Variants in DLGAP2 observed in about 807,000 individuals in gnomAD.
DLGAP2 encodes disks large-associated protein 2.
Under a neutral mutation model 100.3 loss-of-function variants are expected in DLGAP2, and 26 were observed. The ratio of observed to expected loss-of-function variants is 0.26; its 90% confidence interval spans 0.19 to 0.36. The LOEUF is 0.36. Ranked by LOEUF, DLGAP2 falls within the 10% of genes least tolerant of loss-of-function variation. The probability of loss-of-function intolerance (pLI) is 1.00; values close to 1 mark genes in which losing one functional copy is unlikely to be tolerated. For synonymous variants in DLGAP2, 886 were observed against 630.1 expected, an observed-to-expected ratio of 1.41 and a Z score of -6.08; for missense variants, 1,858 against 1,453.2, an observed-to-expected ratio of 1.28 and a Z score of -4.53.
chr8:1,496,781 C>T (rs549844880), intron 3 of DLGAP2, among the ~76,000 whole-genome samples: 2 of 152,136 alleles, frequency 1.3e-5, no homozygotes, highest in Admixed American at 6.5e-5. Flanking sequence ...CCAGGCGGCA[C>T]CCGAGGCACC....
intron 1 of DLGAP2, among the ~76,000 whole-genome samples, chr8:847,115 T>G (rs953944684): frequency 6.6e-6 from 1 of 152,218 alleles, no homozygotes. Context: ...GCCTGGGTGT[T>G]TTCTTTGTGG....
At chr8:1,225,241 A>T (rs1348302597) in intron 2 of DLGAP2, among the ~76,000 whole-genome samples, 1 of 152,226 alleles carries the variant, frequency 6.6e-6, no homozygotes, top group Admixed American at 6.5e-5. Context: ...AACATTTCTC[A>T]GTTATGAACA....
intron 2 of DLGAP2, among the ~76,000 whole-genome samples, chr8:1,083,210 C>T (rs573982500): frequency 1.3e-5 from 2 of 152,150 alleles, no homozygotes; most frequent in Non-Finnish European, 2.9e-5. Context: ...ACAGGGGCAT[C>T]GCGTAACACA....
At chr8:1,296,010 G>A (rs563787862) in intron 3 of DLGAP2, 5 of 152,304 alleles carry the variant, frequency 3.3e-5, no homozygotes, top group South Asian at 4.1e-4. Context: ...GTCACCGAGC[G>A]CGTTAATGAA....
At chr8:1,351,354 C>T (rs1185163724) in intron 3 of DLGAP2, among the ~76,000 whole-genome samples, 2 of 54,246 alleles carry the variant, frequency 3.7e-5, no homozygotes, top group East Asian at 1.3e-3. Flanking sequence ...AACGGCCGTG[C>T]GGGTCCTGAC....
chr8:1,316,448 C>A (rs62486212), intron 3 of DLGAP2, among the ~76,000 whole-genome samples: 7 of 122,894 alleles, frequency 5.7e-5, no homozygotes, highest in East Asian at 2.4e-4. Context: ...GGTCTACACT[C>A]GAGAAACTCG....
chr8:990,339 CTGTTCTTCTCTCCCTCCTTGCCCGG>C (rs1800629700), intron 2 of DLGAP2, among the ~76,000 whole-genome samples: 1 of 143,284 alleles, frequency 7.0e-6, no homozygotes, highest in Non-Finnish European at 1.5e-5. Flanking sequence ...CTCGGAGTTC[CTGTTCTTCTCTCCCTCCTTGCCCGG>C]ACCCCCTGCA....
At chr8:971,542 G>A (rs1427502133) in intron 2 of DLGAP2, among the ~76,000 whole-genome samples, 4 of 152,222 alleles carry the variant, frequency 2.6e-5, no homozygotes, top group Admixed American at 2.6e-4. Context: ...CATTGTCAAA[G>A]TGCTGGATTC....
chr8:1,141,752 A>G (rs549474872), intron 2 of DLGAP2, among the ~76,000 whole-genome samples: 3 of 152,334 alleles, frequency 2.0e-5, no homozygotes, highest in African/African-American at 4.8e-5. Flanking sequence ...ATTTAATAAC[A>G]TGAGTAAAGT....
intron 6 of DLGAP2, chr8:1,622,185 T>A (rs142413751): frequency 6.6e-6 from 1 of 152,388 alleles, no homozygotes; most frequent in East Asian, 1.9e-4. Context: ...CGTGCTCCAT[T>A]TTCCATTGAA....
intron 3 of DLGAP2, among the ~76,000 whole-genome samples, chr8:1,343,038 C>G (rs1026091709): frequency 6.6e-6 from 1 of 152,212 alleles, no homozygotes; most frequent in Non-Finnish European, 1.5e-5. Flanking sequence ...ACATTAATTT[C>G]TGTACTTTTT....
rs559670158 is a variant in DLGAP2 at position 1,166,274 on chromosome 8, C to T, written c.74-92577C>T. 6.6e-5 allele frequency among the ~76,000 whole-genome samples: 10 copies of T among 152,332 alleles called. No homozygotes were observed. In the East Asian group the frequency reaches 1.5e-3, roughly 24 times the overall value. On this transcript the variant is annotated intron_variant, in intron 2 of 14. Transcript: ENST00000637795. The stretch of plus-strand genomic sequence containing the variant: ...GAGTCATGGCTAATGGCCCAGTCCC[C>T]GTGCAAGATGCACCACCCCGTGCTT...
At chr8:1,518,254 G>T (rs1348003891) in intron 4 of DLGAP2, among the ~76,000 whole-genome samples, 2 of 152,176 alleles carry the variant, frequency 1.3e-5, no homozygotes, top group East Asian at 3.9e-4. Flanking sequence ...CTCCCAAATT[G>T]CATTCTGGCC....
intron 2 of DLGAP2, among the ~76,000 whole-genome samples, chr8:1,204,334 A>C (rs1411472854): frequency 6.6e-6 from 1 of 152,204 alleles, no homozygotes; most frequent in African/African-American, 2.4e-5. Flanking sequence ...ATTACAGGCC[A>C]TGGTGTGGAA....
intron 12 of DLGAP2, among the ~76,000 whole-genome samples, chr8:1,681,637 C>G (rs951933047): frequency 2.6e-5 from 4 of 152,124 alleles, no homozygotes; most frequent in African/African-American, 9.7e-5. Flanking sequence ...GAACAAGACC[C>G]TGTCTCAAAA....
At chr8:873,265 A>G (rs28449837) in intron 1 of DLGAP2, among the ~76,000 whole-genome samples, 48,119 of 151,888 alleles carry the variant, frequency 0.32, 7,845 homozygotes, top group Non-Finnish European at 0.34. Flanking sequence ...ATATGATATC[A>G]TGCCATCAGG....
rs1406012175 is a variant in DLGAP2 at position 1,041,708 on chromosome 8, G to A, written c.73+133742G>A. Among the ~76,000 whole-genome samples, 3 of 104,132 alleles carry A rather than the reference G, an allele frequency of 2.9e-5. No homozygotes were observed. In the East Asian group the frequency reaches 9.7e-4, roughly 34 times the overall value. The allele number at this position is 104,132 out of a possible 152,430, so 68.3% of individuals were successfully genotyped here. ...GTGAGTGTTCTCCGAGCCCCTTGCC[G>A]TGGGTGAGTGTTCTCCGAGCCCCTT... is the stretch of plus-strand genomic sequence containing the variant. On this transcript the variant is annotated intron_variant, in intron 2 of 14. Transcript: ENST00000637795.
At chr8:1,306,079 A>G (rs1585242895) in intron 3 of DLGAP2, among the ~76,000 whole-genome samples, 1 of 129,772 alleles carries the variant, frequency 7.7e-6, no homozygotes, top group African/African-American at 2.9e-5. Context: ...TTAGGCAAAA[A>G]AAAAAAAAAA....
chr8:1,158,656 C>T (rs1224611361), intron 2 of DLGAP2, among the ~76,000 whole-genome samples: 1 of 152,306 alleles, frequency 6.6e-6, no homozygotes, highest in Middle Eastern at 3.4e-3. Flanking sequence ...CGCAGACGGC[C>T]GTTGCACTCT....
Sources: gnomAD v4.1 joint callset for allele counts (sites outside exome capture counted in the v4.1 genomes callset) on GRCh38, gnomAD v4.1.1 for gene constraint, MANE v1.5 for transcripts, NCBI Gene and HGNC (gene_info 2026-07-23, HGNC 2026-07-21) for gene names.